Variants in AGPS observed in about 807,000 individuals in gnomAD.
The protein encoded by AGPS is alkylglycerone phosphate synthase.
AGPS carries 26 observed loss-of-function variants against 90.7 expected under a neutral mutation model. The observed-to-expected ratio is 0.29, with a 90% CI of 0.21 to 0.40. AGPS has a LOEUF of 0.40. AGPS is among the 10% of genes least tolerant of loss of function. The pLI is 1.00. For synonymous variants in AGPS, 294 were observed against 285.3 expected, an observed-to-expected ratio of 1.03 and a Z score of -0.31; for missense variants, 540 against 816.1, an observed-to-expected ratio of 0.66 and a Z score of 4.12.
At chr2:177,483,249 A>G (rs1296217258) in intron 11 of AGPS, among the ~76,000 whole-genome samples, 1 of 152,170 alleles carries the variant, frequency 6.6e-6, no homozygotes, top group Non-Finnish European at 1.5e-5. Flanking sequence ...GCTTTAAAGA[A>G]CTTTAAAATG....
intron 10 of AGPS, among the ~76,000 whole-genome samples, chr2:177,476,785 A>T (rs144547207): frequency 1.3e-5 from 2 of 152,184 alleles, no homozygotes; most frequent in East Asian, 3.9e-4. Context: ...TTGTTGAATT[A>T]TCTATTTCTC....
chr2:177,475,912 G>A (rs567854737), intron 10 of AGPS, among the ~76,000 whole-genome samples: 1 of 152,142 alleles, frequency 6.6e-6, no homozygotes, highest in South Asian at 2.1e-4. Flanking sequence ...ATTCCCACAA[G>A]CAGTAAATGA....
At position 177,513,916 on chromosome 2, in the gene AGPS, T is replaced by G; in HGVS notation, c.1697+8T>G. The G allele has an allele frequency of 6.3e-7, 1 of 1,596,340 alleles. No individual in the cohort carries two copies. Among genetic ancestry groups the G allele is most frequent in the Non-Finnish European group, 8.6e-7 (1 of 1,163,980 alleles). ...TCCTTTTTCTACATGCAGGTAAGTT[T>G]TAAAAATTGTTCTTATACTTCTTAT... On this transcript the variant is annotated splice_region_variant and intron_variant, in intron 17 of 19. Transcript: ENST00000264167.
chr2:177,427,416 C>T (rs574942211), intron 2 of AGPS, among the ~76,000 whole-genome samples: 124 of 152,194 alleles, frequency 8.1e-4, no homozygotes, highest in Non-Finnish European at 1.3e-3. Flanking sequence ...TCTTGGTTCT[C>T]TAGTTCTTTT....
intron 5 of AGPS, among the ~76,000 whole-genome samples, chr2:177,440,252 C>T (rs1471069527): frequency 1.3e-5 from 2 of 151,864 alleles, no homozygotes; most frequent in African/African-American, 4.8e-5. Flanking sequence ...AACAGAGTAT[C>T]CTTATAGTGG....
intron 17 of AGPS, among the ~76,000 whole-genome samples, chr2:177,515,545 C>T (rs774007049): frequency 6.6e-6 from 1 of 151,552 alleles, no homozygotes; most frequent in Admixed American, 6.6e-5. Flanking sequence ...ATGAAACTAT[C>T]GTGATAAACC....
At chr2:177,500,501 CAAAT>C (rs757306230) in intron 14 of AGPS, among the ~76,000 whole-genome samples, 11 of 151,808 alleles carry the variant, frequency 7.2e-5, no homozygotes, top group East Asian at 1.9e-4. Context: ...TTTAAGAAAA[CAAAT>C]GAACACTTAA....
In AGPS at chr2:177,540,784, G is replaced by C. The variant is rs1007591235; in HGVS notation, c.*2589G>C. ...ACTTAAATTTGGTAATGTCACATTT[G>C]GGTTGGGGTTTCAGTGGGAATAGTA... is the stretch of plus-strand genomic sequence containing the variant. On this transcript the variant is annotated 3_prime_UTR_variant, in exon 20 of 20. Transcript: ENST00000264167. 2 of 152,010 alleles carry C rather than the reference G, an allele frequency of 1.3e-5. No homozygotes were observed. The highest frequency in any genetic ancestry group is 2.9e-5 in the Non-Finnish European group (2 of 67,976). 9.4% of individuals were successfully genotyped at this position (152,010 alleles called of 1,614,324 possible).
chr2:177,500,343 T>C (rs1332783176), intron 14 of AGPS, among the ~76,000 whole-genome samples: 1 of 152,058 alleles, frequency 6.6e-6, no homozygotes, highest in Admixed American at 6.5e-5. Context: ...AGGACTATGT[T>C]TTTTCCTTTC....
intron 11 of AGPS, among the ~76,000 whole-genome samples, chr2:177,490,542 A>G (rs1275945768): frequency 6.6e-6 from 1 of 152,172 alleles, no homozygotes; most frequent in Non-Finnish European, 1.5e-5. Context: ...GTTACCATCT[A>G]CTATTCCTCC....
chr2:177,524,452 A>G (rs946811125), intron 19 of AGPS, among the ~76,000 whole-genome samples: 1 of 152,214 alleles, frequency 6.6e-6, no homozygotes, highest in African/African-American at 2.4e-5. Context: ...TGTTATTAAA[A>G]TGGCAATGTT....
chr2:177,501,659 GTTTGTT>G (rs1235156254), intron 14 of AGPS, among the ~76,000 whole-genome samples: 1 of 151,818 alleles, frequency 6.6e-6, no homozygotes, highest in Admixed American at 6.6e-5. Context: ...TTTTTTGTTT[GTTTGTT>G]TTTGTTTTTG....
chr2:177,437,787 C>T (rs529951563), intron 5 of AGPS, among the ~76,000 whole-genome samples: 27 of 152,152 alleles, frequency 1.8e-4, no homozygotes, highest in African/African-American at 6.5e-4. Flanking sequence ...GGCTCATTCA[C>T]GGACTCTCAG....
At chr2:177,515,648 A>G (rs1404524498) in intron 17 of AGPS, among the ~76,000 whole-genome samples, 2 of 152,222 alleles carry the variant, frequency 1.3e-5, no homozygotes, top group Non-Finnish European at 2.9e-5. Flanking sequence ...GAATGTATTC[A>G]TGAGGCCTAA....
In AGPS at chr2:177,442,424, T is replaced by C. The variant is rs1468083319; in HGVS notation, c.727T>C (p.Tyr243His). The C allele has an allele frequency of 6.2e-6, 10 of 1,613,750 alleles. No individual in the cohort carries two copies. In the Admixed American group the frequency reaches 1.7e-4, roughly 27 times the overall value. The change falls in exon 7 of 20, where the codon TAT becomes CAT. Residue 243 changes from tyrosine (Y) to histidine (H), a missense_variant. Tyr to His is a moderately conservative substitution (Grantham distance 83, BLOSUM62 2). Transcript: ENST00000264167. ...TTTGGCAGGAGGAACAAGTGTTTCA[T>C]ATGGCCTGATGTGTCCTGCAGATGA... is the stretch of plus-strand genomic sequence containing the variant. ...IPIGGGTSVS[Y>H]GLMCPADETR...
chr2:177,396,214 G>T (rs957269474), intron 1 of AGPS, among the ~76,000 whole-genome samples: 1 of 152,182 alleles, frequency 6.6e-6, no homozygotes. Context: ...AGTGCATATC[G>T]TATTTACATA....
chr2:177,457,150 C>T (rs890352693), intron 8 of AGPS, among the ~76,000 whole-genome samples: 20 of 152,118 alleles, frequency 1.3e-4, no homozygotes, highest in Admixed American at 3.3e-4. Flanking sequence ...CCAGTGAGAA[C>T]GAAGACACAA....
At chr2:177,416,554 C>G (rs1462580344) in intron 1 of AGPS, among the ~76,000 whole-genome samples, 1 of 151,918 alleles carries the variant, frequency 6.6e-6, no homozygotes, top group African/African-American at 2.4e-5. Flanking sequence ...GAGACGGAGT[C>G]TTGTTCTGTC....
intron 16 of AGPS, 31 bp from the exon 17 acceptor site, chr2:177,513,788 C>T (rs1688948788): frequency 1.3e-6 from 2 of 1,536,798 alleles, no homozygotes; most frequent in Admixed American, 3.3e-5. Context: ...CACTTGAAAA[C>T]TTAATATTGT....
Sources: allele counts gnomAD v4.1 joint callset (sites outside exome capture counted in the v4.1 genomes callset), GRCh38; gene constraint gnomAD v4.1.1; transcripts MANE v1.5; gene names NCBI Gene and HGNC (gene_info 2026-07-23, HGNC 2026-07-21).